Variants in PITPNC1 observed in about 807,000 individuals in gnomAD.
PITPNC1 encodes phosphatidylinositol transfer protein cytoplasmic 1.
In PITPNC1, 18 loss-of-function variants were observed where a neutral mutation model predicts 44.7. That is an observed-to-expected ratio of 0.40 (90% CI 0.28 to 0.60). PITPNC1 has a LOEUF of 0.60. Ranked by LOEUF, PITPNC1 falls within the 20% of genes least tolerant of loss-of-function variation. The probability of loss-of-function intolerance (pLI) is 0.39; values close to 1 mark genes in which losing one functional copy is unlikely to be tolerated. For missense variants in PITPNC1, 290 were observed against 418.4 expected, an observed-to-expected ratio of 0.69 and a Z score of 2.68; for synonymous variants, 141 against 149.6, an observed-to-expected ratio of 0.94 and a Z score of 0.42.
intron 1 of PITPNC1, among the ~76,000 whole-genome samples, chr17:67,487,916 G>T (rs1202095970): frequency 6.6e-6 from 1 of 152,164 alleles, no homozygotes; most frequent in Non-Finnish European, 1.5e-5. Context: ...ACTGCTGATT[G>T]AAGAAAAGGG....
intron 1 of PITPNC1, among the ~76,000 whole-genome samples, chr17:67,438,812 C>G (rs1365957590): frequency 2.0e-5 from 3 of 152,196 alleles, no homozygotes; most frequent in Non-Finnish European, 2.9e-5. Flanking sequence ...TGCTGACTTA[C>G]GGCTACTATT....
chr17:67,510,541 C>T (rs1011726481), intron 1 of PITPNC1, among the ~76,000 whole-genome samples: 1 of 152,154 alleles, frequency 6.6e-6, no homozygotes, highest in Admixed American at 6.5e-5. Context: ...AAGAGGGCGC[C>T]CTTGACCGCC....
intron 5 of PITPNC1, among the ~76,000 whole-genome samples, chr17:67,587,452 C>T (rs559404655): frequency 6.6e-6 from 1 of 152,216 alleles, no homozygotes; most frequent in East Asian, 1.9e-4. Context: ...CATGATCAAG[C>T]CACCATACTC....
intron 1 of PITPNC1, among the ~76,000 whole-genome samples, chr17:67,469,931 A>AT (rs975448386): frequency 6.0e-5 from 9 of 151,254 alleles, no homozygotes; most frequent in South Asian, 2.1e-4. Flanking sequence ...TATATATATA[A>AT]TTTTTTTTTG....
chr17:67,656,115 C>T (rs1262836555), intron 6 of PITPNC1, among the ~76,000 whole-genome samples: 1 of 152,180 alleles, frequency 6.6e-6, no homozygotes, highest in East Asian at 1.9e-4. Context: ...TGGATCTTGA[C>T]TGTACATTCA....
intron 5 of PITPNC1, among the ~76,000 whole-genome samples, chr17:67,616,646 T>C (rs755964627): frequency 6.6e-6 from 1 of 152,190 alleles, no homozygotes; most frequent in Admixed American, 6.5e-5. Context: ...TCAACCCTTT[T>C]GTTGAGCACC....
At chr17:67,378,886 C>A in intron 1 of PITPNC1, 1 of 699,808 alleles carries the variant, frequency 1.4e-6, no homozygotes, top group Non-Finnish European at 1.8e-6. Flanking sequence ...GGCTGCGACG[C>A]GGCCACAGGA....
At chr17:67,509,769 G>A (rs1204771779) in intron 1 of PITPNC1, among the ~76,000 whole-genome samples, 1 of 152,086 alleles carries the variant, frequency 6.6e-6, no homozygotes, top group Non-Finnish European at 1.5e-5. Flanking sequence ...TGGGGAGGAA[G>A]AATCAACTTC....
intron 1 of PITPNC1, among the ~76,000 whole-genome samples, chr17:67,389,961 G>A (rs1488531847): frequency 2.0e-5 from 3 of 152,060 alleles, no homozygotes; most frequent in South Asian, 2.1e-4. Flanking sequence ...TTACAGACGC[G>A]AGCCACCGTG....
At chr17:67,568,801 T>C (rs79458696) in intron 4 of PITPNC1, among the ~76,000 whole-genome samples, 4 of 152,210 alleles carry the variant, frequency 2.6e-5, no homozygotes, top group African/African-American at 9.6e-5. Flanking sequence ...TGAGGCATCA[T>C]TAAGTAGGTC....
chr17:67,475,471 C>T (rs2039612847), intron 1 of PITPNC1, among the ~76,000 whole-genome samples: 1 of 152,124 alleles, frequency 6.6e-6, no homozygotes, highest in Admixed American at 6.5e-5. Flanking sequence ...AATTTTCTGT[C>T]ACCTTCCCTA....
chr17:67,505,666 G>A (rs2040090823), intron 1 of PITPNC1, among the ~76,000 whole-genome samples: 1 of 152,042 alleles, frequency 6.6e-6, no homozygotes, highest in African/African-American at 2.4e-5. Flanking sequence ...TAGTAGAGAT[G>A]GGGTTTTACC....
intron 1 of PITPNC1, among the ~76,000 whole-genome samples, chr17:67,513,150 G>A (rs975915955): frequency 9.9e-5 from 15 of 152,194 alleles, no homozygotes; most frequent in African/African-American, 2.9e-4. Flanking sequence ...GATCATCTGA[G>A]GTCAGGAGTT....
intron 1 of PITPNC1, among the ~76,000 whole-genome samples, chr17:67,400,293 A>C (rs1223841210): frequency 2.6e-5 from 4 of 152,256 alleles, no homozygotes; most frequent in East Asian, 1.9e-4. Flanking sequence ...AGGGGCTATA[A>C]ATTGCTACTT....
intron 1 of PITPNC1, among the ~76,000 whole-genome samples, chr17:67,426,229 A>G (rs903829065): frequency 1.3e-5 from 2 of 152,210 alleles, no homozygotes; most frequent in Non-Finnish European, 2.9e-5. Flanking sequence ...AACCAGAAAT[A>G]CCATTTGACC....
chr17:67,412,263 T>TC (rs2038510955), intron 1 of PITPNC1, among the ~76,000 whole-genome samples: 1 of 152,122 alleles, frequency 6.6e-6, no homozygotes, highest in African/African-American at 2.4e-5. Flanking sequence ...GGGCAGGGTT[T>TC]AATGTGTGCT....
intron 1 of PITPNC1, among the ~76,000 whole-genome samples, chr17:67,469,211 A>G (rs1422035461): frequency 2.0e-5 from 3 of 152,150 alleles, no homozygotes; most frequent in Non-Finnish European, 2.9e-5. Flanking sequence ...AGGATGGCTC[A>G]GAAACTGTCT....
At chr17:67,463,831 C>T (rs562015656) in intron 1 of PITPNC1, among the ~76,000 whole-genome samples, 8 of 151,830 alleles carry the variant, frequency 5.3e-5, no homozygotes, top group East Asian at 1.9e-4. Context: ...CGTTTAAGCC[C>T]GAAAGGCAGA....
At chr17:67,675,638 A>G in intron 8 of PITPNC1, 96 bp downstream of exon 8, 1 of 819,172 alleles carries the variant, frequency 1.2e-6, no homozygotes, top group African/African-American at 1.7e-5. Context: ...AAGGACAACA[A>G]CAAAGGCAAG....
Sources: allele counts gnomAD v4.1 joint callset (sites outside exome capture counted in the v4.1 genomes callset), GRCh38; gene constraint gnomAD v4.1.1; transcripts MANE v1.5; gene names NCBI Gene and HGNC (gene_info 2026-07-23, HGNC 2026-07-21).